The following NALCN variants were observed in gnomAD, a reference collection of about 807,000 sequenced individuals.
NALCN encodes the protein sodium leak channel, non-selective.
NALCN carries 111 observed loss-of-function variants against 225.3 expected under a neutral mutation model. The ratio of observed to expected loss-of-function variants is 0.49; its 90% CI spans 0.42 to 0.58. NALCN has a LOEUF of 0.58. NALCN is among the 20% of genes least tolerant of loss of function. NALCN has a pLI of 0.00. For synonymous variants in NALCN, 764 were observed against 769.0 expected, an observed-to-expected ratio of 0.99 and a Z score of 0.11; for missense variants, 1,378 against 2,202.4, an observed-to-expected ratio of 0.63 and a Z score of 7.49.
intron 37 of NALCN, 52 bp from the exon 38 acceptor site, chr13:101,068,879 T>C (rs1594134549): frequency 6.6e-7 from 1 of 1,512,078 alleles, no homozygotes; most frequent in Non-Finnish European, 8.8e-7. Flanking sequence ...AGAATACAAA[T>C]TTCTTTTAGC....
At chr13:101,351,038 T>G (rs2045893435) in intron 6 of NALCN, among the ~76,000 whole-genome samples, 1 of 152,170 alleles carries the variant, frequency 6.6e-6, no homozygotes, top group African/African-American at 2.4e-5. Flanking sequence ...CATACATATA[T>G]ATAATATATT....
At chr13:101,266,227 TGAAAGTA>T (rs1158359559) in intron 10 of NALCN, among the ~76,000 whole-genome samples, 1 of 152,204 alleles carries the variant, frequency 6.6e-6, no homozygotes, top group Non-Finnish European at 1.5e-5. Context: ...TCTAAGGATT[TGAAAGTA>T]GAGATGCAGT....
At chr13:101,258,922 C>T (rs1484045586) in intron 10 of NALCN, among the ~76,000 whole-genome samples, 2 of 152,138 alleles carry the variant, frequency 1.3e-5, no homozygotes, top group African/African-American at 4.8e-5. Flanking sequence ...AAGCTAGTAA[C>T]ACAAAACAAG....
chr13:101,182,938 A>G (rs2039299299), intron 14 of NALCN, among the ~76,000 whole-genome samples: 1 of 152,232 alleles, frequency 6.6e-6, no homozygotes, highest in African/African-American at 2.4e-5. Flanking sequence ...TATTTAATTT[A>G]TGTTATCAAT....
intron 7 of NALCN, among the ~76,000 whole-genome samples, chr13:101,336,840 AATGCATGTAGCT>A (rs2045393486): frequency 6.6e-6 from 1 of 152,228 alleles, no homozygotes. Flanking sequence ...AACAGAAATT[AATGCATGTAGCT>A]ATACATTACA....
intron 17 of NALCN, among the ~76,000 whole-genome samples, chr13:101,137,468 C>G (rs1253379518): frequency 1.3e-5 from 2 of 151,726 alleles, no homozygotes; most frequent in Non-Finnish European, 2.9e-5. Flanking sequence ...TGAGGAGTTA[C>G]AAGAACAAAT....
intron 6 of NALCN, among the ~76,000 whole-genome samples, chr13:101,348,652 C>T (rs1320375261): frequency 2.6e-5 from 4 of 151,052 alleles, no homozygotes; most frequent in African/African-American, 9.7e-5. Flanking sequence ...TTTTTTCTTC[C>T]TATTATATTT....
intron 7 of NALCN, among the ~76,000 whole-genome samples, chr13:101,324,338 A>G (rs553513515): frequency 1.3e-5 from 2 of 152,352 alleles, no homozygotes; most frequent in South Asian, 4.1e-4. Flanking sequence ...TTGTAAAAAG[A>G]ACAAAAGAAA....
intron 13 of NALCN, among the ~76,000 whole-genome samples, chr13:101,229,064 T>G (rs982278727): frequency 4.6e-5 from 7 of 152,202 alleles, no homozygotes; most frequent in Admixed American, 6.5e-5. Context: ...TTAACTCTCT[T>G]GAACACAAAA....
intron 1 of NALCN, among the ~76,000 whole-genome samples, chr13:101,408,276 C>T (rs912376445): frequency 3.3e-5 from 5 of 152,166 alleles, no homozygotes; most frequent in Non-Finnish European, 7.4e-5. Flanking sequence ...ACTAGACTTA[C>T]AATGCCAGTC....
chr13:101,299,142 A>AT (rs1459017113), intron 7 of NALCN, among the ~76,000 whole-genome samples: 6 of 152,186 alleles, frequency 3.9e-5, no homozygotes, highest in African/African-American at 1.4e-4. Context: ...CATTACATAA[A>AT]TTTTTATCAT....
chr13:101,366,420 T>G (rs753536962), intron 6 of NALCN, among the ~76,000 whole-genome samples: 4 of 152,144 alleles, frequency 2.6e-5, no homozygotes, highest in African/African-American at 4.8e-5. Flanking sequence ...TATGCAAGTT[T>G]CTGGTCTGAA....
chr13:101,131,518 C>T (rs1368136551), intron 17 of NALCN, among the ~76,000 whole-genome samples: 2 of 152,116 alleles, frequency 1.3e-5, no homozygotes, highest in Non-Finnish European at 1.5e-5. Context: ...TCCCAATCCT[C>T]CTCCCCCCAC....
intron 7 of NALCN, among the ~76,000 whole-genome samples, chr13:101,315,458 T>A (rs2044520464): frequency 6.6e-6 from 1 of 152,148 alleles, no homozygotes; most frequent in Non-Finnish European, 1.5e-5. Context: ...ATTTTATTCT[T>A]TAGAGGAGAT....
At chr13:101,198,129 C>T (rs1427846576) in intron 13 of NALCN, among the ~76,000 whole-genome samples, 2 of 151,992 alleles carry the variant, frequency 1.3e-5, no homozygotes, top group Non-Finnish European at 2.9e-5. Context: ...GAATCTTATG[C>T]AAAAATTAAT....
intron 40 of NALCN, among the ~76,000 whole-genome samples, chr13:101,063,821 T>C (rs34003871): frequency 0.013 from 2,018 of 152,292 alleles, 26 homozygotes; most frequent in Non-Finnish European, 0.018. Context: ...ACACTCCTTG[T>C]AGGTACTGCT....
In NALCN at chr13:101,382,301, G is replaced by C. The variant is rs9554778; in HGVS notation, c.292-3648C>G. Among the ~76,000 whole-genome samples, 3,607 of 125,776 alleles carry C rather than the reference G, an allele frequency of 0.029. 240 individuals carry two copies. In the East Asian group the frequency reaches 0.31, roughly 11 times the overall value. 82.5% of individuals were successfully genotyped at this position (125,776 alleles called of 152,430 possible). On this transcript the variant is annotated intron_variant, in intron 3 of 43. Coordinates refer to ENST00000251127, the MANE Select transcript of NALCN (RefSeq NM_052867.4). ...GATACTTCCCTTTGTGTTATGGGGA[G>C]GGGGGCGGGCAAGTGAATGGCCAGG...
chr13:101,100,195 T>C (rs1209135582), intron 27 of NALCN, among the ~76,000 whole-genome samples: 1 of 152,122 alleles, frequency 6.6e-6, no homozygotes, highest in Non-Finnish European at 1.5e-5. Context: ...TAAAAAGTGG[T>C]GAGAACCAAA....
chr13:101,136,735 T>A (rs1470699511), intron 17 of NALCN, among the ~76,000 whole-genome samples: 1 of 152,222 alleles, frequency 6.6e-6, no homozygotes, highest in Non-Finnish European at 1.5e-5. Flanking sequence ...TCCAGGTCTT[T>A]GCTATTGTGA....
Sources: allele counts gnomAD v4.1 joint callset (sites outside exome capture counted in the v4.1 genomes callset), GRCh38; gene constraint gnomAD v4.1.1; transcripts MANE v1.5; gene names NCBI Gene and HGNC (gene_info 2026-07-23, HGNC 2026-07-21).